The following CTNND2 variants were observed in gnomAD, a reference collection of about 807,000 sequenced individuals.
CTNND2 encodes the protein catenin delta-2.
In CTNND2, 22 loss-of-function variants were observed where a neutral mutation model predicts 144.4. The ratio of observed to expected loss-of-function variants is 0.15; its 90% CI spans 0.11 to 0.22. The LOEUF (loss-of-function observed/expected upper bound fraction) is 0.22, where lower values mean the gene tolerates loss of function less well. Among genes scored for constraint, CTNND2 ranks in the 10% least tolerant of loss-of-function variants. The pLI, the probability that CTNND2 is intolerant of heterozygous loss-of-function variation, is 1.00. For synonymous variants in CTNND2, 751 were observed against 695.6 expected, an observed-to-expected ratio of 1.08 and a Z score of -1.25; for missense variants, 1,353 against 1,618.8, an observed-to-expected ratio of 0.84 and a Z score of 2.82.
intron 3 of CTNND2, among the ~76,000 whole-genome samples, chr5:11,496,453 C>T (rs1292613120): frequency 1.3e-5 from 2 of 152,184 alleles, no homozygotes; most frequent in Non-Finnish European, 2.9e-5. Flanking sequence ...TAGAGCTGCT[C>T]TTTATGCACA....
chr5:11,296,404 C>T (rs1749008401), intron 9 of CTNND2, among the ~76,000 whole-genome samples: 1 of 152,178 alleles, frequency 6.6e-6, no homozygotes, highest in South Asian at 2.1e-4. Flanking sequence ...ACTAGTTCAA[C>T]CATTGTGGAA....
At chr5:11,346,696 A>G (rs1451130916) in intron 8 of CTNND2, 69 bp from the exon 9 acceptor site, 2 of 1,363,096 alleles carry the variant, frequency 1.5e-6, no homozygotes, top group Non-Finnish European at 1.9e-6. Context: ...AACCAGGTCT[A>G]GGCAGGGGCA....
chr5:11,446,173 A>G (rs1267566024), intron 3 of CTNND2, among the ~76,000 whole-genome samples: 1 of 152,214 alleles, frequency 6.6e-6, no homozygotes, highest in Non-Finnish European at 1.5e-5. Context: ...GGGTTTCACC[A>G]TATTGGTCAG....
At chr5:11,284,122 G>A (rs556725009) in intron 9 of CTNND2, among the ~76,000 whole-genome samples, 20 of 152,284 alleles carry the variant, frequency 1.3e-4, no homozygotes, top group African/African-American at 3.9e-4. Flanking sequence ...GTTCTGAGCC[G>A]CATCAGGTGT....
intron 7 of CTNND2, among the ~76,000 whole-genome samples, chr5:11,369,911 G>A (rs1053151294): frequency 1.3e-5 from 2 of 152,212 alleles, no homozygotes; most frequent in South Asian, 2.1e-4. Context: ...AGACACGAAG[G>A]GTCCCTCCGG....
intron 2 of CTNND2, among the ~76,000 whole-genome samples, chr5:11,600,112 T>C (rs1412579322): frequency 2.6e-5 from 4 of 152,162 alleles, no homozygotes; most frequent in Admixed American, 1.3e-4. Context: ...CCATCTACCA[T>C]CTAGAGTTTT....
chr5:11,363,902 T>A lies in CTNND2; in HGVS notation c.1372+794A>T, dbSNP rs61750678. On this transcript the variant is annotated intron_variant, in intron 8 of 21. Coordinates refer to ENST00000304623, the MANE Select transcript of CTNND2 (RefSeq NM_001332.4). Reference sequence around the variant, plus strand: ...TTAGGAAAGAAGGAGAGAGCTGTACTGTCTGCAGACCAGCAACACAGTCAT... The same window carrying A: ...TTAGGAAAGAAGGAGAGAGCTGTACAGTCTGCAGACCAGCAACACAGTCAT... 3.4e-3 allele frequency among the ~76,000 whole-genome samples: 514 copies of A among 152,344 alleles called. 14 individuals carry two copies. The East Asian group carries it at 0.052, about 15-fold the overall frequency.
chr5:11,344,905 A>G (rs1287701031), intron 9 of CTNND2, among the ~76,000 whole-genome samples: 1 of 152,232 alleles, frequency 6.6e-6, no homozygotes, highest in African/African-American at 2.4e-5. Context: ...AAGCTATGCT[A>G]CAGCTAGAGA....
intron 2 of CTNND2, among the ~76,000 whole-genome samples, chr5:11,628,354 G>A (rs1781259480): frequency 6.6e-6 from 1 of 152,184 alleles, no homozygotes; most frequent in Non-Finnish European, 1.5e-5. Context: ...TAGCTTAAGT[G>A]AGAAGTGCTT....
At chr5:11,470,510 T>C (rs766605772) in intron 3 of CTNND2, among the ~76,000 whole-genome samples, 4 of 152,184 alleles carry the variant, frequency 2.6e-5, no homozygotes, top group African/African-American at 2.4e-5. Context: ...ATTATAAACA[T>C]CTTATATTAA....
chr5:11,225,920 G>A (rs1480885100), intron 10 of CTNND2, among the ~76,000 whole-genome samples: 1 of 152,212 alleles, frequency 6.6e-6, no homozygotes, highest in African/African-American at 2.4e-5. Flanking sequence ...ATAAGAAGAG[G>A]AGAAGAGATA....
rs568050335 is a variant in CTNND2 at position 11,594,071 on chromosome 5, A to G, written c.175-29015T>C. On this transcript the variant is annotated intron_variant, in intron 2 of 21. Transcript: ENST00000304623. ...CTCAGCAATTCTACTCGATAATGCC[A>G]CAAACTAAAAAATGTGCACATAAGC... is the stretch of plus-strand genomic sequence containing the variant. Among the ~76,000 whole-genome samples, 15 of 152,342 alleles carry G rather than the reference A, an allele frequency of 9.8e-5. No homozygotes were observed. In the East Asian group the frequency reaches 1.7e-3, roughly 18 times the overall value.
In CTNND2 at chr5:11,774,561, T is replaced by TAAAAAAAAAA. The variant is rs1202575547; in HGVS notation, c.38-42299_38-42290dup. On this transcript the variant is annotated intron_variant, in intron 1 of 21. Coordinates refer to ENST00000304623, the MANE Select transcript of CTNND2 (RefSeq NM_001332.4). ...AACTTAAAGTATAATAAAAAAAAAT[T>TAAAAAAAAAA]AAAAAAAAAAACAATGATGGCTTTA... Among the ~76,000 whole-genome samples, 4 of 116,832 alleles carry TAAAAAAAAAA rather than the reference T, an allele frequency of 3.4e-5. 1 individual carries two copies. The highest frequency in any genetic ancestry group is 7.3e-5 in the Non-Finnish European group (4 of 54,584). The allele number at this position is 116,832 out of a possible 152,430, so 76.6% of individuals were successfully genotyped here. A position where few individuals can be genotyped will look rare whatever the true frequency, so the allele number is the denominator to read the frequency against.
chr5:11,437,499 A>G (rs76227238), intron 3 of CTNND2, among the ~76,000 whole-genome samples: 2,609 of 152,212 alleles, frequency 0.017, 42 homozygotes, highest in Non-Finnish European at 0.03. Context: ...GTAAGGGAGG[A>G]AATGGAAGAA....
chr5:11,105,164 C>T (rs2149676446), intron 14 of CTNND2, among the ~76,000 whole-genome samples: 1 of 152,364 alleles, frequency 6.6e-6, no homozygotes, highest in Non-Finnish European at 1.5e-5. Flanking sequence ...CTCTCTGCTC[C>T]TAATTTGCCA....
At chr5:11,673,595 T>C (rs2434671) in intron 2 of CTNND2, among the ~76,000 whole-genome samples, 18 of 152,300 alleles carry the variant, frequency 1.2e-4, no homozygotes, top group African/African-American at 4.3e-4. Flanking sequence ...CTTTAAAATC[T>C]TATTCTGAAG....
intron 5 of CTNND2, among the ~76,000 whole-genome samples, chr5:11,410,160 G>A (rs1761396660): frequency 6.6e-6 from 1 of 152,040 alleles, no homozygotes; most frequent in Non-Finnish European, 1.5e-5. Flanking sequence ...GTCCCTACAA[G>A]AGAAATATAT....
chr5:11,689,515 CCCAT>C (rs1228775241), intron 2 of CTNND2, among the ~76,000 whole-genome samples: 1 of 152,152 alleles, frequency 6.6e-6, no homozygotes, highest in Non-Finnish European at 1.5e-5. Context: ...ATACTGCATA[CCCAT>C]TTCTTAGTGT....
At chr5:11,773,192 TATAAATTCAAATATATC>T (rs1433266849) in intron 1 of CTNND2, among the ~76,000 whole-genome samples, 1 of 152,212 alleles carries the variant, frequency 6.6e-6, no homozygotes, top group Non-Finnish European at 1.5e-5. Flanking sequence ...TGCATCAACA[TATAAATTCAAATATATC>T]TATGAATCCA....
Sources: allele counts gnomAD v4.1 joint callset (sites outside exome capture counted in the v4.1 genomes callset), GRCh38; gene constraint gnomAD v4.1.1; transcripts MANE v1.5; gene names NCBI Gene and HGNC (gene_info 2026-07-23, HGNC 2026-07-21).